PTPRD: variants seen among roughly 807,000 people sequenced by gnomAD.
PTPRD encodes receptor-type tyrosine-protein phosphatase delta.
A neutral mutation model predicts 214.5 loss-of-function variants in PTPRD; 34 were observed. The ratio of observed to expected loss-of-function variants is 0.16; its 90% CI spans 0.12 to 0.21. The LOEUF is 0.21. PTPRD is among the 10% of genes least tolerant of loss of function. PTPRD has a pLI of 1.00. For synonymous variants in PTPRD, 1,128 were observed against 845.7 expected, an observed-to-expected ratio of 1.33 and a Z score of -5.79; for missense variants, 2,545 against 2,398.7, an observed-to-expected ratio of 1.06 and a Z score of -1.27.
intron 3 of PTPRD, among the ~76,000 whole-genome samples, chr9:10,069,298 T>C (rs879680361): frequency 2.6e-5 from 4 of 151,832 alleles, no homozygotes; most frequent in Non-Finnish European, 5.9e-5. Context: ...CTAAGCAGAG[T>C]GCAAACAAGA....
At chr9:8,662,278 G>A (rs1262801625) in intron 12 of PTPRD, among the ~76,000 whole-genome samples, 2 of 152,118 alleles carry the variant, frequency 1.3e-5, no homozygotes, top group South Asian at 4.2e-4. Context: ...TTGTTACTGG[G>A]GAAACGGGGT....
chr9:8,476,699 G>T (rs546492609), intron 30 of PTPRD, among the ~76,000 whole-genome samples: 11 of 151,902 alleles, frequency 7.2e-5, no homozygotes, highest in Non-Finnish European at 1.6e-4. Flanking sequence ...TACTAAAGCA[G>T]ACATACATAT....
At chr9:8,339,126 C>G (rs528180084) in intron 42 of PTPRD, 79 bp from the exon 43 acceptor site, 1 of 1,355,296 alleles carries the variant, frequency 7.4e-7, no homozygotes, top group Non-Finnish European at 9.8e-7. Context: ...TCTATCTAAT[C>G]TATCTAATTT....
At chr9:9,661,632 C>CA (rs140390758) in intron 7 of PTPRD, among the ~76,000 whole-genome samples, 1 of 151,762 alleles carries the variant, frequency 6.6e-6, no homozygotes, top group East Asian at 1.9e-4. Context: ...AACAAACAAA[C>CA]AAAAAAGTAT....
chr9:9,796,034 C>A (rs188537722), intron 5 of PTPRD, among the ~76,000 whole-genome samples: 1 of 151,992 alleles, frequency 6.6e-6, no homozygotes, highest in East Asian at 1.9e-4. Context: ...GAAAAAGATT[C>A]TTCTAAATTT....
intron 12 of PTPRD, among the ~76,000 whole-genome samples, chr9:8,697,030 C>A (rs553629290): frequency 6.6e-6 from 1 of 152,284 alleles, no homozygotes; most frequent in Admixed American, 6.5e-5. Context: ...ACAACAGTAA[C>A]AGTTTCTGCC....
At chr9:9,921,488 A>G (rs2082524177) in intron 5 of PTPRD, among the ~76,000 whole-genome samples, 1 of 151,966 alleles carries the variant, frequency 6.6e-6, no homozygotes, top group South Asian at 2.1e-4. Flanking sequence ...ATATCTTAGA[A>G]TGATTTTTTT....
intron 35 of PTPRD, among the ~76,000 whole-genome samples, chr9:8,435,628 C>T (rs1019340499): frequency 6.6e-6 from 1 of 151,888 alleles, no homozygotes. Context: ...CATTAAGGGT[C>T]CTTGTTGCTG....
chr9:9,152,179 G>T (rs551772161), intron 10 of PTPRD, among the ~76,000 whole-genome samples: 24 of 152,156 alleles, frequency 1.6e-4, no homozygotes, highest in Non-Finnish European at 4.4e-5. Flanking sequence ...ATACTAACTA[G>T]CTCCATGTCT....
chr9:10,124,384 C>T (rs573124379), intron 3 of PTPRD, among the ~76,000 whole-genome samples: 1 of 152,288 alleles, frequency 6.6e-6, no homozygotes, highest in Non-Finnish European at 1.5e-5. Context: ...CACTATGCAG[C>T]TAAATGCATT....
chr9:8,740,956 T>C (rs2091763739), intron 11 of PTPRD, among the ~76,000 whole-genome samples: 1 of 152,178 alleles, frequency 6.6e-6, no homozygotes, highest in Non-Finnish European at 1.5e-5. Context: ...AAAAGATCCC[T>C]TATATGCCTA....
chr9:8,942,789 A>T (rs1299046959), intron 11 of PTPRD, among the ~76,000 whole-genome samples: 1 of 152,134 alleles, frequency 6.6e-6, no homozygotes, highest in African/African-American at 2.4e-5. Context: ...TATTATAAAT[A>T]ATTCCTCAGT....
intron 6 of PTPRD, among the ~76,000 whole-genome samples, chr9:9,759,507 G>A (rs2098630762): frequency 6.7e-6 from 1 of 149,700 alleles, no homozygotes. Flanking sequence ...AGTCTGTAAT[G>A]TAGAATTCAG....
chr9:9,795,960 T>G (rs2098999697), intron 5 of PTPRD, among the ~76,000 whole-genome samples: 1 of 152,160 alleles, frequency 6.6e-6, no homozygotes, highest in African/African-American at 2.4e-5. Context: ...GAAGAATATA[T>G]CAATGACTAT....
At chr9:9,347,109 G>C (rs527466564) in intron 9 of PTPRD, among the ~76,000 whole-genome samples, 1 of 152,086 alleles carries the variant, frequency 6.6e-6, no homozygotes, top group Admixed American at 6.6e-5. Flanking sequence ...TGAGGCTGCC[G>C]TAAGCTGTGG....
At chr9:8,428,420 C>T (rs528614088) in intron 35 of PTPRD, among the ~76,000 whole-genome samples, 1 of 152,286 alleles carries the variant, frequency 6.6e-6, no homozygotes, top group Non-Finnish European at 1.5e-5. Context: ...GCTCATTTTT[C>T]TCATTCCATT....
At chr9:9,364,143 T>C (rs542557485) in intron 9 of PTPRD, among the ~76,000 whole-genome samples, 23 of 151,564 alleles carry the variant, frequency 1.5e-4, no homozygotes, top group African/African-American at 4.1e-4. Flanking sequence ...GAAATTAGCT[T>C]TGGGAATAGA....
chr9:9,228,311 G>T (rs2099960865), intron 9 of PTPRD, among the ~76,000 whole-genome samples: 1 of 151,914 alleles, frequency 6.6e-6, no homozygotes, highest in South Asian at 2.1e-4. Flanking sequence ...CTCCCAGATG[G>T]AATAAGAAAT....
intron 5 of PTPRD, among the ~76,000 whole-genome samples, chr9:9,801,212 A>G (rs2099037648): frequency 1.3e-5 from 2 of 152,240 alleles, no homozygotes; most frequent in Middle Eastern, 3.4e-3. Context: ...AGTACCCGGT[A>G]TACATTCATA....
Sources: allele counts gnomAD v4.1 joint callset (sites outside exome capture counted in the v4.1 genomes callset), GRCh38; gene constraint gnomAD v4.1.1; transcripts MANE v1.5; gene names NCBI Gene and HGNC (gene_info 2026-07-23, HGNC 2026-07-21).